IGSF11: variants seen among roughly 807,000 people sequenced by gnomAD.
IGSF11 encodes the protein immunoglobulin superfamily member 11, also known as CXADR like 1.
IGSF11 carries 22 observed loss-of-function variants against 41.0 expected under a neutral mutation model. The observed-to-expected ratio is 0.54, with a 90% confidence interval of 0.38 to 0.77. The LOEUF (loss-of-function observed/expected upper bound fraction) is 0.77. IGSF11 is among the 30% of genes least tolerant of loss of function. IGSF11 has a pLI of 0.00. For missense variants in IGSF11, 444 were observed against 530.8 expected (o/e 0.84, Z 1.61); for synonymous variants, 219 against 201.3 (o/e 1.09, Z -0.74).
chr3:118,941,568 A>C (rs1943703797), intron 1 of IGSF11, among the ~76,000 whole-genome samples: 1 of 152,238 alleles, frequency 6.6e-6, no homozygotes. Context: ...ATTTTATTAC[A>C]GAATTAAATG....
intron 1 of IGSF11, among the ~76,000 whole-genome samples, chr3:119,004,406 A>G (rs1052634374): frequency 5.9e-5 from 9 of 151,664 alleles, no homozygotes; most frequent in Non-Finnish European, 1.3e-4. Context: ...ATCCTTTCAA[A>G]AAACCAGCTC....
chr3:118,905,992 G>A (rs1939543520), intron 4 of IGSF11, among the ~76,000 whole-genome samples: 1 of 152,148 alleles, frequency 6.6e-6, no homozygotes, highest in Non-Finnish European at 1.5e-5. Context: ...AATGTTAGTA[G>A]ACTTCCCTGA....
intron 1 of IGSF11, among the ~76,000 whole-genome samples, chr3:119,101,562 A>G (rs6807888): frequency 0.28 from 43,248 of 152,082 alleles, 7,011 homozygotes; most frequent in Middle Eastern, 0.38. Flanking sequence ...AAAATGTTAA[A>G]TTACCAAAAG....
At chr3:118,946,742 G>C (rs1944174272) in intron 1 of IGSF11, among the ~76,000 whole-genome samples, 1 of 152,174 alleles carries the variant, frequency 6.6e-6, no homozygotes, top group African/African-American at 2.4e-5. Flanking sequence ...TAAGAGTACA[G>C]TCACTCTTTG....
intron 1 of IGSF11, among the ~76,000 whole-genome samples, chr3:118,999,024 T>G (rs1391221442): frequency 1.3e-5 from 2 of 152,036 alleles, no homozygotes; most frequent in African/African-American, 4.8e-5. Context: ...ACTGTGCTAC[T>G]ACTTGTGTAG....
intron 1 of IGSF11, among the ~76,000 whole-genome samples, chr3:119,143,177 A>G (rs1405298912): frequency 6.6e-6 from 1 of 152,202 alleles, no homozygotes; most frequent in Non-Finnish European, 1.5e-5. Flanking sequence ...GTATCTATAT[A>G]GGTGATTTAA....
At chr3:119,051,699 C>T (rs1052280417) in intron 1 of IGSF11, among the ~76,000 whole-genome samples, 1 of 152,144 alleles carries the variant, frequency 6.6e-6, no homozygotes, top group African/African-American at 2.4e-5. Flanking sequence ...GCACATGGAA[C>T]ATTCTCCAAG....
Position 118,905,620 on chromosome 3 carries a change from G to T in IGSF11, c.679C>A (p.Leu227Ile). The T allele has an allele frequency of 6.2e-7, 1 of 1,613,866 alleles. No individual in the cohort carries two copies. The highest frequency in any genetic ancestry group is 8.5e-7 in the Non-Finnish European group (1 of 1,179,806). ...CGTGAAATAACCTGGAGATCCAGAAGACAGGTGCTGGTTCCAATAGCATTA... is the reference window on the plus strand; with the variant it reads ...CGTGAAATAACCTGGAGATCCAGAATACAGGTGCTGGTTCCAATAGCATTA... ...ASNAIGTSTC[L>I]LDLQVISPQP... is the part of the protein sequence containing the mutation. Residue 227 changes from leucine (L) to isoleucine (I), a missense_variant, in exon 5 of 7, where the codon CTT (leucine) becomes ATT (isoleucine). Coordinates refer to ENST00000393775, the MANE Select transcript of IGSF11 (RefSeq NM_001015887.3).
At chr3:119,102,952 T>A (rs932877160) in intron 1 of IGSF11, among the ~76,000 whole-genome samples, 1 of 151,892 alleles carries the variant, frequency 6.6e-6, no homozygotes, top group Admixed American at 6.6e-5. Context: ...GAGTGCATAA[T>A]TAAGGTTTGT....
chr3:119,058,640 T>C (rs1941943542), intron 1 of IGSF11, among the ~76,000 whole-genome samples: 1 of 152,152 alleles, frequency 6.6e-6, no homozygotes, highest in Admixed American at 6.5e-5. Context: ...ACCCAAAGGA[T>C]TATAAATCAT....
intron 1 of IGSF11, among the ~76,000 whole-genome samples, chr3:119,051,995 T>C (rs1941644455): frequency 6.6e-6 from 1 of 151,978 alleles, no homozygotes; most frequent in South Asian, 2.1e-4. Context: ...AAGAGGAAAG[T>C]TCATAGCATT....
At chr3:119,136,675 T>C (rs2077567428) in intron 1 of IGSF11, among the ~76,000 whole-genome samples, 1 of 152,134 alleles carries the variant, frequency 6.6e-6, no homozygotes, top group South Asian at 2.1e-4. Context: ...CATATGTTAT[T>C]AGAGGTAAAG....
At chr3:118,992,514 A>C (rs994869322) in intron 1 of IGSF11, among the ~76,000 whole-genome samples, 1 of 152,230 alleles carries the variant, frequency 6.6e-6, no homozygotes, top group Non-Finnish European at 1.5e-5. Flanking sequence ...ATTCTTGCAA[A>C]TATCTCTTCA....
chr3:118,913,794 A>C (rs1027452041), intron 4 of IGSF11, among the ~76,000 whole-genome samples: 1 of 152,224 alleles, frequency 6.6e-6, no homozygotes, highest in Admixed American at 6.5e-5. Flanking sequence ...GAAAATGGGG[A>C]TGATTAATAA....
At chr3:119,009,597 G>A (rs570193156) in intron 1 of IGSF11, among the ~76,000 whole-genome samples, 13 of 152,254 alleles carry the variant, frequency 8.5e-5, no homozygotes, top group Middle Eastern at 3.4e-3. Context: ...AAGCAATGTG[G>A]AACTGTCAGT....
At chr3:119,110,054 A>T (rs2077120319), upstream of IGSF11, among the ~76,000 whole-genome samples, 1 of 152,116 alleles carries the variant, frequency 6.6e-6, no homozygotes, top group Admixed American at 6.5e-5. Context: ...TGCTGAAAAA[A>T]ATGTATATTC....
intron 1 of IGSF11, chr3:118,946,996 C>T (rs567990470): frequency 6.6e-6 from 1 of 152,274 alleles, no homozygotes; most frequent in Admixed American, 6.5e-5. Flanking sequence ...TAATTTCCTT[C>T]CAAATAATTT....
intron 1 of IGSF11, among the ~76,000 whole-genome samples, chr3:119,097,434 C>CGATGAATGAGTGGTT (rs1405657742): frequency 6.6e-6 from 1 of 152,056 alleles, no homozygotes; most frequent in African/African-American, 2.4e-5. Flanking sequence ...CTCTGGGGAG[C>CGATGAATGAGTGGTT]AAACTGCTTA....
intron 4 of IGSF11, among the ~76,000 whole-genome samples, chr3:118,920,904 T>G (rs1174106484): frequency 6.6e-6 from 1 of 152,150 alleles, no homozygotes; most frequent in Non-Finnish European, 1.5e-5. Flanking sequence ...TTCTCCACCT[T>G]GCTGGCTGCA....
Sources: gnomAD v4.1 joint callset for allele counts (sites outside exome capture counted in the v4.1 genomes callset) on GRCh38, gnomAD v4.1.1 for gene constraint, MANE v1.5 for transcripts, NCBI Gene and HGNC (gene_info 2026-07-23, HGNC 2026-07-21) for gene names.